The following IL17B variants were observed in gnomAD, a reference collection of about 807,000 sequenced individuals.
The protein encoded by IL17B is interleukin 17B, also known as interleukin-17B.
IL17B carries 14 observed loss-of-function variants against 14.7 expected under a neutral mutation model. The ratio of observed to expected loss-of-function variants is 0.95; its 90% CI spans 0.63 to 1.49. The LOEUF (loss-of-function observed/expected upper bound fraction) is 1.49. Among genes scored for constraint, IL17B ranks in the 40% most tolerant of loss-of-function variants. The pLI, the probability that IL17B is intolerant of heterozygous loss-of-function variation, is 0.00. For synonymous variants in IL17B, 105 were observed against 94.8 expected, an observed-to-expected ratio of 1.11 and a Z score of -0.62; for missense variants, 233 against 252.8, an observed-to-expected ratio of 0.92 and a Z score of 0.53.
upstream of IL17B, among the ~76,000 whole-genome samples, chr5:149,380,194 T>C (rs1335481392): frequency 6.6e-6 from 1 of 152,086 alleles, no homozygotes; most frequent in Admixed American, 6.5e-5. Context: ...TCCTGAAATC[T>C]TTCTGAGCCT....
Position 149,374,695 on chromosome 5 carries a change from T to C in IL17B, c.312-95A>G. 1.1e-6 allele frequency: 1 copy of C among 916,992 alleles called. No individual in the cohort carries two copies. Among genetic ancestry groups the C allele is most frequent in the East Asian group, 2.6e-5 (1 of 37,762 alleles). The allele number at this position is 916,992 out of a possible 1,614,324, so 56.8% of individuals were successfully genotyped here. ...CACCCCTGCCTTTCCTAATCAGAGT[T>C]TTAATTTCCACAGCAAGACTGTGTT... On this transcript the variant is annotated intron_variant, in intron 2 of 2. Transcript: ENST00000261796. The surrounding 1 kb of genome is among the most constrained non-coding windows in gnomAD (Gnocchi z 5.0).
intron 1 of IL17B, among the ~76,000 whole-genome samples, chr5:149,387,055 A>C (rs1758840034): frequency 6.7e-6 from 1 of 150,262 alleles, no homozygotes. Flanking sequence ...AACAGTATCG[A>C]TATTTTAGGA....
At chr5:149,395,106 C>T (rs1759064535) in intron 1 of IL17B, among the ~76,000 whole-genome samples, 1 of 152,148 alleles carries the variant, frequency 6.6e-6, no homozygotes, top group African/African-American at 2.4e-5. Context: ...TAAGTGAGAA[C>T]ATGTGGTATT....
intron 1 of IL17B, among the ~76,000 whole-genome samples, chr5:149,389,278 A>C (rs2127620548): frequency 6.6e-6 from 1 of 152,370 alleles, no homozygotes; most frequent in South Asian, 2.1e-4. Context: ...TGCTAACCCC[A>C]AACTAGATTT....
At chr5:149,393,272 C>T (rs765181594) in intron 1 of IL17B, among the ~76,000 whole-genome samples, 3 of 152,160 alleles carry the variant, frequency 2.0e-5, no homozygotes, top group African/African-American at 4.8e-5. Context: ...CTCTTCAGGT[C>T]GCAGTGCACG....
intron 1 of IL17B, among the ~76,000 whole-genome samples, chr5:149,402,688 TTAAAAAAAAAA>T (rs1759230056): frequency 8.4e-6 from 1 of 118,428 alleles, no homozygotes; most frequent in Admixed American, 7.8e-5. Context: ...TACCATGCTT[TTAAAAAAAAAA>T]AAAAAAAAAG....
rs1758554631 is a variant in IL17B at position 149,376,826 on chromosome 5, C to T, written c.221G>A (p.Arg74Lys). 6.8e-6 allele frequency: 11 copies of T among 1,614,004 alleles called. No homozygotes were observed. The highest frequency in any genetic ancestry group is 9.3e-6 in the Non-Finnish European group (11 of 1,179,882). Residue 74 changes from arginine (R) to lysine (K), a missense_variant, in exon 2 of 3, where the codon AGG becomes AAG. Transcript: ENST00000261796. ...TCTCTGGGCCAGCTCTGAGCTGTTC[C>T]TCAGCTGGGCCACCATCTCCTCGAT... ...RNIEEMVAQL[R>K]NSSELAQRKC... is the part of the protein sequence containing the mutation.
At chr5:149,389,977 C>T (rs528935370) in intron 1 of IL17B, among the ~76,000 whole-genome samples, 16 of 152,106 alleles carry the variant, frequency 1.1e-4, no homozygotes, top group South Asian at 2.1e-4. Flanking sequence ...GGAGGGGAGA[C>T]GAGGACAAAC....
At chr5:149,392,960 G>A (rs568531089) in intron 1 of IL17B, among the ~76,000 whole-genome samples, 184 of 150,346 alleles carry the variant, frequency 1.2e-3, no homozygotes, top group Admixed American at 4.3e-3. Flanking sequence ...GCGTGTGTGC[G>A]TGTGTGTGCG....
chr5:149,393,791 G>A (rs1215292692), intron 1 of IL17B, among the ~76,000 whole-genome samples: 1 of 151,976 alleles, frequency 6.6e-6, no homozygotes, highest in Non-Finnish European at 1.5e-5. Context: ...ACTACCCGTG[G>A]ACTTTTCAGT....
At position 149,395,652 on chromosome 5, in the gene IL17B, C is replaced by T. The variant is rs150747073; in HGVS notation, n.95+8456G>A. On this transcript the variant is annotated intron_variant and non_coding_transcript_variant, in intron 1 of 2. Coordinates refer to the IL17B transcript ENST00000505432. ...GGAATGCCAATGCAGTCAAATGATGCATTTTTATTTTTTTATTATTTTTTA... is the reference window on the plus strand; with the variant it reads ...GGAATGCCAATGCAGTCAAATGATGTATTTTTATTTTTTTATTATTTTTTA... Among the ~76,000 whole-genome samples the T allele has an allele frequency of 1.4e-3, 206 of 152,284 alleles. 2 individuals carry two copies. The highest frequency in any genetic ancestry group is 2.3e-3 in the Non-Finnish European group (158 of 68,028).
chr5:149,396,931 G>A (rs757214537), intron 1 of IL17B, among the ~76,000 whole-genome samples: 2 of 152,106 alleles, frequency 1.3e-5, no homozygotes, highest in East Asian at 3.9e-4. Flanking sequence ...CAAGCATGGC[G>A]CTATATGGGA....
intron 1 of IL17B, among the ~76,000 whole-genome samples, chr5:149,392,971 C>CGCGT (rs1759010692): frequency 1.7e-5 from 1 of 60,182 alleles, no homozygotes; most frequent in Non-Finnish European, 3.5e-5. Flanking sequence ...TGTGTGTGCG[C>CGCGT]GCGTGCGTGT....
At chr5:149,398,348 AAACTCCAGTGAATT>A (rs1165942874) in intron 1 of IL17B, among the ~76,000 whole-genome samples, 1 of 152,224 alleles carries the variant, frequency 6.6e-6, no homozygotes, top group African/African-American at 2.4e-5. Flanking sequence ...ATAATGATCC[AAACTCCAGTGAATT>A]AACACTTCCC....
intron 1 of IL17B, 108 bp downstream of exon 1, chr5:149,379,097 T>G: frequency 2.9e-6 from 4 of 1,374,086 alleles, no homozygotes; most frequent in Non-Finnish European, 4.1e-6. Flanking sequence ...AAGTTGCCTC[T>G]GCAGATTCTA....
At chr5:149,393,061 C>T (rs1759018884) in intron 1 of IL17B, among the ~76,000 whole-genome samples, 1 of 151,680 alleles carries the variant, frequency 6.6e-6, no homozygotes, top group Non-Finnish European at 1.5e-5. Context: ...GCATGTGTGT[C>T]TGCGTGTGTG....
chr5:149,396,342 TA>T (rs1389585217), intron 1 of IL17B, among the ~76,000 whole-genome samples: 1 of 152,338 alleles, frequency 6.6e-6, no homozygotes, highest in Admixed American at 6.5e-5. Flanking sequence ...TGATCTTTTT[TA>T]AAAAAACAGT....
At chr5:149,385,798 GGCCCCAACCCTGCCCTCA>G (rs1447386312) in intron 1 of IL17B, among the ~76,000 whole-genome samples, 1 of 152,226 alleles carries the variant, frequency 6.6e-6, no homozygotes, top group African/African-American at 2.4e-5. Context: ...TTGGGTGGAA[GGCCCCAACCCTGCCCTCA>G]GCAGAAGCAG....
In IL17B at chr5:149,393,545, C is replaced by T. The variant is rs1045301786; in HGVS notation, n.95+10563G>A. 4.6e-5 allele frequency among the ~76,000 whole-genome samples: 7 copies of T among 152,286 alleles called. No individual in the cohort carries two copies. The East Asian group carries it at 9.6e-4, about 21-fold the overall frequency. On this transcript the variant is annotated intron_variant and non_coding_transcript_variant, in intron 1 of 2. Transcript: ENST00000505432. ...TGAGTGCGTTAATTCCTGCATCTTCCGAAACCCTCGTTTCACTGAGCTCTC... is the reference window on the plus strand; with the variant it reads ...TGAGTGCGTTAATTCCTGCATCTTCTGAAACCCTCGTTTCACTGAGCTCTC...
Sources: gnomAD v4.1 joint callset for allele counts (sites outside exome capture counted in the v4.1 genomes callset) on GRCh38, gnomAD v4.1.1 for gene constraint, Gnocchi (gnomAD v3.1) non-coding constraint, MANE v1.5 for transcripts, NCBI Gene and HGNC (gene_info 2026-07-23, HGNC 2026-07-21) for gene names.